The following COL1A1 variants were observed in gnomAD, a reference collection of about 807,000 sequenced individuals.
COL1A1 encodes the protein collagen type I alpha 1 chain.
In COL1A1, 21 loss-of-function variants were observed where a neutral mutation model predicts 195.7. The ratio of observed to expected loss-of-function variants is 0.11; its 90% CI spans 0.08 to 0.15. The LOEUF is 0.15. Among genes scored for constraint, COL1A1 ranks in the 10% least tolerant of loss-of-function variants. The probability of loss-of-function intolerance (pLI) is 1.00; values close to 1 mark genes in which losing one functional copy is unlikely to be tolerated. For synonymous variants in COL1A1, 749 were observed against 747.3 expected (o/e 1.00, Z -0.04); for missense variants, 1,365 against 2,051.0 (o/e 0.67, Z 6.46).
rs1383476119 is a variant in COL1A1, at chr17:50,192,035, G to A, written c.1984-11C>T. On this transcript the variant is annotated splice_polypyrimidine_tract_variant and intron_variant, in intron 29 of 50. Transcript: ENST00000225964. ...GTCTCCAGGAACACCCTGAGGGGGA[G>A]GGAGAGAGGAACAGACAGTGAGCAA... is the stretch of plus-strand genomic sequence containing the variant. 6.2e-7 allele frequency: 1 copy of A among 1,611,510 alleles called. No individual in the cohort carries two copies. The highest frequency in any genetic ancestry group is 1.7e-5 in the Admixed American group (1 of 59,732).
At chr17:50,199,706 GC>G (rs1480515331) in intron 2 of COL1A1, 46 bp downstream of exon 2, 2 of 180,682 alleles carry the variant, frequency 1.1e-5, no homozygotes, top group Middle Eastern at 1.4e-3. Context: ...CCAGCCCCAG[GC>G]CCCAGGCCCC....
Position 50,194,468 on chromosome 17 carries a change from G to C in COL1A1, c.1516-21C>G. On this transcript the variant is annotated intron_variant, in intron 22 of 50. Coordinates refer to ENST00000225964, the MANE Select transcript of COL1A1 (RefSeq NM_000088.4). This position sits in a 1 kb window ranked among gnomAD's most constrained non-coding sequence, Gnocchi z 6.8. ...GGACCCTGGTTGGGGGAAGTCACAGGAACAGTTAGGGTCTCAAGTTTGTGG... is the reference window on the plus strand; with the variant it reads ...GGACCCTGGTTGGGGGAAGTCACAGCAACAGTTAGGGTCTCAAGTTTGTGG... 1 of 1,613,718 alleles carries C rather than the reference G, an allele frequency of 6.2e-7. No individual in the cohort carries two copies. The highest frequency in any genetic ancestry group is 8.5e-7 in the Non-Finnish European group (1 of 1,179,664).
chr17:50,197,655 TG>T, intron 9 of COL1A1, 76 bp downstream of exon 9: 3 of 1,172,330 alleles, frequency 2.6e-6, no homozygotes, highest in Non-Finnish European at 3.7e-6. Context: ...TTCCCAAATG[TG>T]GTGGAGTGGA....
chr17:50,190,574 G>C lies in COL1A1; in HGVS notation c.2366C>G (p.Pro789Arg). 1 of 1,613,268 alleles carries C rather than the reference G, an allele frequency of 6.2e-7. No individual in the cohort carries two copies. The highest frequency in any genetic ancestry group is 8.5e-7 in the Non-Finnish European group (1 of 1,179,514). Residue 789 changes from proline to arginine, a missense_variant, in exon 34 of 51, where the codon CCT (proline) becomes CGT (arginine). Pro to Arg is a moderately radical substitution (Grantham distance 103). Coordinates refer to ENST00000225964, the MANE Select transcript of COL1A1 (RefSeq NM_000088.4). This position sits in a 1 kb window ranked among gnomAD's most constrained non-coding sequence, Gnocchi z 4.7. ...ACCACGAGCTCCAGTGGGACCAGCAGGGCCGCTGGGACCACTTTCACCCTG... is the reference window on the plus strand; with the variant it reads ...ACCACGAGCTCCAGTGGGACCAGCACGGCCGCTGGGACCACTTTCACCCTG... The part of the protein sequence containing the change: ...GDKGESGPSG[P>R]AGPTGARGAP...
chr17:50,194,609 A>G lies in COL1A1; in HGVS notation c.1479T>C (p.Arg493=). 2 of 1,569,036 alleles carry G rather than the reference A, an allele frequency of 1.3e-6. No homozygotes were observed. The highest frequency in any genetic ancestry group is 2.4e-5 in the East Asian group (1 of 42,148). Residue 493 remains arginine, a synonymous_variant, in exon 22 of 51, where the codon CGT becomes CGC. Coordinates refer to ENST00000225964, the MANE Select transcript of COL1A1 (RefSeq NM_000088.4). This position sits in a 1 kb window ranked among gnomAD's most constrained non-coding sequence, Gnocchi z 6.8. ...PPGERGGPGS[R]GFPGADGVAG... ...CAACACCATCTGCGCCAGGGAAACC[A>G]CGGCTACCAGGTCCACCCTGCAGGA... is the stretch of plus-strand genomic sequence containing the variant.
chr17:50,192,807 G>A lies in COL1A1; in HGVS notation c.1865C>T (p.Pro622Leu). ...ATCAGGGACACTCACAGCAGGGCCAGGGGGTCCCTGAGCTCCAGCCTCTCC... is the reference window on the plus strand; with the variant it reads ...ATCAGGGACACTCACAGCAGGGCCAAGGGGTCCCTGAGCTCCAGCCTCTCC... The part of the protein sequence containing the change: ...KDGEAGAQGP[P>L]GPAGPAGERG... Residue 622 changes from proline to leucine, a missense_variant, in exon 27 of 51, where the codon CCT (proline) becomes CTT (leucine). Transcript: ENST00000225964. 1 of 1,614,140 alleles carries A rather than the reference G, an allele frequency of 6.2e-7. No individual in the cohort carries two copies. The highest frequency in any genetic ancestry group is 8.5e-7 in the Non-Finnish European group (1 of 1,180,024).
intron 8 of COL1A1, 72 bp downstream of exon 8, chr17:50,197,877 G>A (rs1907733553): frequency 1.3e-6 from 2 of 1,587,532 alleles, no homozygotes; most frequent in African/African-American, 1.3e-5. Flanking sequence ...AAGACCCCAG[G>A]CCTGGGAGTT....
Position 50,195,424 on chromosome 17 carries a change from G to A in COL1A1, c.1200+10C>T, listed in dbSNP as rs1490273189. The A allele has an allele frequency of 1.2e-6, 2 of 1,614,028 alleles. No individual in the cohort carries two copies. The highest frequency in any genetic ancestry group is 2.7e-5 in the African/African-American group (2 of 74,902). On this transcript the variant is annotated intron_variant, in intron 18 of 50. Coordinates refer to ENST00000225964, the MANE Select transcript of COL1A1 (RefSeq NM_000088.4). This position sits in a 1 kb window ranked among gnomAD's most constrained non-coding sequence, Gnocchi z 4.3. Reference sequence around the variant, plus strand: ...GCAGGAGTGGGACTGAAGCCTGGCAGGATACTTACATTGGCACCTTTAGCA... The same window carrying A: ...GCAGGAGTGGGACTGAAGCCTGGCAAGATACTTACATTGGCACCTTTAGCA...
At position 50,186,963 on chromosome 17, in the gene COL1A1, A is replaced by G; in HGVS notation, c.3532-41T>C. 6.2e-7 allele frequency: 1 copy of G among 1,612,386 alleles called. No homozygotes were observed. ...AGAGAGTGGGGATTACCGGCATCCA[A>G]GTGCTTTGGGGGCTGGAGGGCCATG... On this transcript the variant is annotated intron_variant, in intron 47 of 50. Coordinates refer to ENST00000225964, the MANE Select transcript of COL1A1 (RefSeq NM_000088.4). This position sits in a 1 kb window ranked among gnomAD's most constrained non-coding sequence, Gnocchi z 5.3.
Position 50,186,627 on chromosome 17 carries a change from G to A in COL1A1, c.3814+13C>T. ...GGAGTAGGAGGGAGGGAGAGGCTAG[G>A]GCAGGCCCTCACCACTCTTCCAGTC... On this transcript the variant is annotated intron_variant, in intron 48 of 50. Coordinates refer to ENST00000225964, the MANE Select transcript of COL1A1 (RefSeq NM_000088.4). This position sits in a 1 kb window ranked among gnomAD's most constrained non-coding sequence, Gnocchi z 5.3. The A allele has an allele frequency of 6.2e-7, 1 of 1,613,444 alleles. No individual in the cohort carries two copies. Among genetic ancestry groups the A allele is most frequent in the South Asian group, 1.1e-5 (1 of 91,082 alleles).
In COL1A1 at chr17:50,194,684, G is replaced by T. The variant is rs1263925169; in HGVS notation, c.1461+37C>A. 2 of 1,558,534 alleles carry T rather than the reference G, an allele frequency of 1.3e-6. No individual in the cohort carries two copies. The highest frequency in any genetic ancestry group is 1.7e-6 in the Non-Finnish European group (2 of 1,150,612). ...GACACACAGGCACCAGCCAGGCAATGAGGGTGGAGCGGGAGGGGGCGGGCA... is the reference window on the plus strand; with the variant it reads ...GACACACAGGCACCAGCCAGGCAATTAGGGTGGAGCGGGAGGGGGCGGGCA... On this transcript the variant is annotated intron_variant, in intron 21 of 50. Transcript: ENST00000225964. This position sits in a 1 kb window ranked among gnomAD's most constrained non-coding sequence, Gnocchi z 6.8.
In COL1A1 at chr17:50,186,928, CAG is replaced by C. The variant is rs1567753146; in HGVS notation, c.3532-8_3532-7del. The stretch of plus-strand genomic sequence containing the variant: ...CCAGGAGGGCCGGGGGGACCCTGCA[CAG>C]AGAGGGAAGAGAGTGGGGATTACCG... On this transcript the variant is annotated splice_region_variant and splice_polypyrimidine_tract_variant and intron_variant, in intron 47 of 50. Coordinates refer to ENST00000225964, the MANE Select transcript of COL1A1 (RefSeq NM_000088.4). This position sits in a 1 kb window ranked among gnomAD's most constrained non-coding sequence, Gnocchi z 5.3. 3 of 1,613,366 alleles carry C rather than the reference CAG, an allele frequency of 1.9e-6. No homozygotes were observed. The highest frequency in any genetic ancestry group is 3.3e-5 in the Admixed American group (2 of 59,944).
In COL1A1 at chr17:50,190,530, C is replaced by T. The variant is rs200821764; in HGVS notation, c.2397+13G>A. ...GGCCAAGTATGGGGTCTTAACAGGT[C>T]TTCTGTACTTACGGGGGCACCACGA... On this transcript the variant is annotated intron_variant, in intron 34 of 50. Transcript: ENST00000225964. This position sits in a 1 kb window ranked among gnomAD's most constrained non-coding sequence, Gnocchi z 4.7. 1 of 1,612,440 alleles carries T rather than the reference C, an allele frequency of 6.2e-7. No individual in the cohort carries two copies. The highest frequency in any genetic ancestry group is 1.7e-5 in the Admixed American group (1 of 59,922).
At position 50,188,445 on chromosome 17, in the gene COL1A1, T is replaced by G; in HGVS notation, c.3207+85A>C. ...CTTTCCTCCCCCTGCCTGGGTGAAG[T>G]CCGACACCCATCCCCAGGCCTCTAA... is the stretch of plus-strand genomic sequence containing the variant. On this transcript the variant is annotated intron_variant, in intron 43 of 50. Coordinates refer to ENST00000225964, the MANE Select transcript of COL1A1 (RefSeq NM_000088.4). The surrounding 1 kb of genome is among the most constrained non-coding windows in gnomAD (Gnocchi z 5.6). 7.6e-7 allele frequency: 1 copy of G among 1,322,804 alleles called. No individual in the cohort carries two copies. Among genetic ancestry groups the G allele is most frequent in the Admixed American group, 1.7e-5 (1 of 59,070 alleles). The allele number at this position is 1,322,804 out of a possible 1,614,324, so 81.9% of individuals were successfully genotyped here.
chr17:50,185,627 T>C lies in COL1A1; in HGVS notation c.4270A>G (p.Lys1424Glu), dbSNP rs1481762320. ...GTGGTTTTGTATTCAATCACTGTCT[T>C]GCCCCAGGCTCCGGTGTGACTCTGG... ...GCTSHTGAWGKTVIEYKTTKT... is the reference protein window; with the variant it reads ...GCTSHTGAWGETVIEYKTTKT... The change falls in exon 51 of 51, where the codon AAG becomes GAG. Residue 1424 changes from lysine to glutamate, a missense_variant. Lys to Glu is a moderately conservative substitution (Grantham distance 56, BLOSUM62 1). Coordinates refer to ENST00000225964, the MANE Select transcript of COL1A1 (RefSeq NM_000088.4). The C allele has an allele frequency of 4.3e-6, 7 of 1,613,594 alleles. No individual in the cohort carries two copies. In the East Asian group the frequency reaches 1.3e-4, roughly 31 times the overall value.
At chr17:50,193,180 C>T (rs1907253978) in intron 25 of COL1A1, 133 bp from the exon 26 acceptor site, 1 of 877,388 alleles carries the variant, frequency 1.1e-6, no homozygotes, top group Non-Finnish European at 1.8e-6. Flanking sequence ...CCGGGGAATG[C>T]CCCTGCAGGT....
At position 50,184,768 on chromosome 17, in the gene COL1A1, G is replaced by A. The variant is rs1906328179; in HGVS notation, c.*734C>T. ...AGAACAGTCTCTCCCGCCCAGCCCT[G>A]CGGCACAAGGGATTGACACGCGTTC... On this transcript the variant is annotated 3_prime_UTR_variant, in exon 51 of 51. Transcript: ENST00000225964. 4.3e-6 allele frequency: 1 copy of A among 232,300 alleles called. No homozygotes were observed. 14.4% of individuals were successfully genotyped at this position (232,300 alleles called of 1,614,324 possible). A position where few individuals can be genotyped will look rare whatever the true frequency, so the allele number is the denominator to read the frequency against.
intron 27 of COL1A1, 30 bp from the exon 28 acceptor site, chr17:50,192,723 G>A (rs1200020377): frequency 1.2e-6 from 2 of 1,614,082 alleles, no homozygotes; most frequent in South Asian, 1.1e-5. Context: ...CAGTCACGGG[G>A]AGGCCGAGGA....
Position 50,188,210 on chromosome 17 carries a change from G to A in COL1A1, c.3208-61C>T. 7.0e-7 allele frequency: 1 copy of A among 1,428,906 alleles called. No homozygotes were observed. The highest frequency in any genetic ancestry group is 9.5e-7 in the Non-Finnish European group (1 of 1,054,832). The allele number at this position is 1,428,906 out of a possible 1,614,324, so 88.5% of individuals were successfully genotyped here. A position where few individuals can be genotyped will look rare whatever the true frequency, so the allele number is the denominator to read the frequency against. ...GGGAAGGCTGAGGCTGGGGCTGCAG[G>A]ATGAGGCCTCCCCTCTGCTGGATCT... On this transcript the variant is annotated intron_variant, in intron 43 of 50. Coordinates refer to ENST00000225964, the MANE Select transcript of COL1A1 (RefSeq NM_000088.4). This position sits in a 1 kb window ranked among gnomAD's most constrained non-coding sequence, Gnocchi z 5.6.
Sources: allele counts gnomAD v4.1 joint callset, GRCh38; gene constraint gnomAD v4.1.1; non-coding constraint Gnocchi (gnomAD v3.1); transcripts MANE v1.5; gene names NCBI Gene and HGNC (gene_info 2026-07-23, HGNC 2026-07-21).